Variants in RSU1 observed in about 807,000 individuals in gnomAD.
RSU1 encodes the protein rsu-1.
Under a neutral mutation model 31.1 loss-of-function variants are expected in RSU1, and 26 were observed. That is an observed-to-expected ratio of 0.84 (90% confidence interval 0.61 to 1.16). RSU1 has a LOEUF of 1.16. Ranked by LOEUF, RSU1 falls within the 50% of genes most tolerant of loss-of-function variation. The probability of loss-of-function intolerance (pLI) is 0.00; values close to 1 mark genes in which losing one functional copy is unlikely to be tolerated. For synonymous variants in RSU1, 164 were observed against 136.3 expected, an observed-to-expected ratio of 1.20 and a Z score of -1.41; for missense variants, 320 against 339.1, an observed-to-expected ratio of 0.94 and a Z score of 0.44.
chr10:16,691,595 G>A (rs544527963), intron 8 of RSU1, among the ~76,000 whole-genome samples: 35 of 152,092 alleles, frequency 2.3e-4, no homozygotes, highest in Non-Finnish European at 4.4e-4. Flanking sequence ...CCCTAGCATA[G>A]CTCATGTACC....
chr10:16,690,209 A>G (rs1564318174), intron 8 of RSU1, among the ~76,000 whole-genome samples: 1 of 152,220 alleles, frequency 6.6e-6, no homozygotes, highest in East Asian at 1.9e-4. Flanking sequence ...CTTCAAAGAA[A>G]TAAAAGAGGT....
At chr10:16,731,851 C>T (rs1836517882) in intron 7 of RSU1, among the ~76,000 whole-genome samples, 1 of 151,866 alleles carries the variant, frequency 6.6e-6, no homozygotes, top group Admixed American at 6.6e-5. Context: ...AGCTTTCTGC[C>T]ATTTATCTCC....
chr10:16,662,540 C>T (rs1485065903), intron 8 of RSU1, among the ~76,000 whole-genome samples: 1 of 152,176 alleles, frequency 6.6e-6, no homozygotes. Flanking sequence ...TTGTAGCCTA[C>T]TTTAACCCTG....
At chr10:16,737,032 G>A (rs1439336449) in intron 7 of RSU1, among the ~76,000 whole-genome samples, 2 of 146,058 alleles carry the variant, frequency 1.4e-5, no homozygotes, top group South Asian at 4.7e-4. Context: ...TGGGGGAGGG[G>A]AGGGGGGAAG....
chr10:16,724,283 T>C (rs1298756907), intron 7 of RSU1, among the ~76,000 whole-genome samples: 1 of 152,210 alleles, frequency 6.6e-6, no homozygotes, highest in Non-Finnish European at 1.5e-5. Context: ...AACATTTCTG[T>C]ATATTCTCCT....
At chr10:16,786,800 C>G (rs1837801138) in intron 2 of RSU1, among the ~76,000 whole-genome samples, 1 of 152,142 alleles carries the variant, frequency 6.6e-6, no homozygotes, top group African/African-American at 2.4e-5. Context: ...TAATAAATGC[C>G]CCTATATAGA....
At chr10:16,618,583 C>T (rs1834018788) in intron 8 of RSU1, among the ~76,000 whole-genome samples, 1 of 152,154 alleles carries the variant, frequency 6.6e-6, no homozygotes, top group African/African-American at 2.4e-5. Flanking sequence ...ACCCAAATGC[C>T]CTTTGATGAT....
At chr10:16,785,431 T>TATATATACACATATATACATATATAC (rs1564357246) in intron 2 of RSU1, among the ~76,000 whole-genome samples, 21 of 127,982 alleles carry the variant, frequency 1.6e-4, no homozygotes, top group Admixed American at 5.3e-4. Flanking sequence ...TATATACATA[T>TATATATACACATATATACATATATAC]ATATATATAC....
At chr10:16,715,039 G>C (rs1420431007) in intron 7 of RSU1, among the ~76,000 whole-genome samples, 3 of 152,202 alleles carry the variant, frequency 2.0e-5, no homozygotes, top group African/African-American at 7.2e-5. Context: ...TCTCCACTGG[G>C]GGAGACTGTG....
At chr10:16,690,338 T>C (rs369552992) in intron 8 of RSU1, among the ~76,000 whole-genome samples, 35 of 152,310 alleles carry the variant, frequency 2.3e-4, no homozygotes, top group African/African-American at 8.2e-4. Flanking sequence ...AAGCTCATAA[T>C]TTCATGTTAA....
intron 2 of RSU1, among the ~76,000 whole-genome samples, chr10:16,788,356 C>T (rs1194010798): frequency 5.3e-5 from 8 of 152,130 alleles, no homozygotes. Flanking sequence ...CCCGAATCCC[C>T]AGTGTATGGT....
chr10:16,683,420 G>T (rs575024140), intron 8 of RSU1, among the ~76,000 whole-genome samples: 2 of 152,136 alleles, frequency 1.3e-5, no homozygotes, highest in African/African-American at 4.8e-5. Context: ...TTAAAAAATA[G>T]CCCAGGAAAT....
intron 2 of RSU1, among the ~76,000 whole-genome samples, chr10:16,814,758 T>C (rs1019059143): frequency 1.3e-5 from 2 of 152,258 alleles, no homozygotes. Context: ...TGTTAGCTAC[T>C]TCTTTAGGAA....
chr10:16,620,556 TAA>T (rs148278416), intron 8 of RSU1, among the ~76,000 whole-genome samples: 14 of 133,776 alleles, frequency 1.0e-4, no homozygotes, highest in Admixed American at 2.3e-4. Flanking sequence ...TACAAAATGT[TAA>T]AAAAAAAAAA....
chr10:16,761,812 T>A (rs552653072), intron 4 of RSU1, among the ~76,000 whole-genome samples: 1 of 152,206 alleles, frequency 6.6e-6, no homozygotes, highest in African/African-American at 2.4e-5. Context: ...GCCAAGATTG[T>A]GCCACCATAC....
intron 8 of RSU1, among the ~76,000 whole-genome samples, chr10:16,602,473 C>G (rs556803996): frequency 6.6e-6 from 1 of 152,330 alleles, no homozygotes; most frequent in South Asian, 2.1e-4. Context: ...TCTGAAAGCA[C>G]TAAGTTACCT....
intron 7 of RSU1, among the ~76,000 whole-genome samples, chr10:16,728,856 C>T (rs1337432761): frequency 1.3e-5 from 2 of 152,194 alleles, no homozygotes; most frequent in Non-Finnish European, 2.9e-5. Context: ...CAGGCACTCA[C>T]TAGAAGCTGA....
At chr10:16,635,887 C>T (rs964018478) in intron 8 of RSU1, among the ~76,000 whole-genome samples, 1 of 152,194 alleles carries the variant, frequency 6.6e-6, no homozygotes, top group Non-Finnish European at 1.5e-5. Flanking sequence ...ACCTCTCCCT[C>T]TTAATGTTAC....
intron 2 of RSU1, among the ~76,000 whole-genome samples, chr10:16,787,734 A>G (rs779910198): frequency 1.3e-5 from 2 of 152,092 alleles, no homozygotes; most frequent in Non-Finnish European, 2.9e-5. Flanking sequence ...CTCTTCCTTC[A>G]TCTCCTGCCA....
Sources: allele counts gnomAD v4.1 joint callset (sites outside exome capture counted in the v4.1 genomes callset), GRCh38; gene constraint gnomAD v4.1.1; transcripts MANE v1.5; gene names NCBI Gene and HGNC (gene_info 2026-07-23, HGNC 2026-07-21).